Variants in MAP3K1 observed in about 807,000 individuals in gnomAD.
MAP3K1 encodes mitogen-activated protein kinase kinase kinase 1.
In MAP3K1, 36 loss-of-function variants were observed where a neutral mutation model predicts 144.2. The ratio of observed to expected loss-of-function variants is 0.25; its 90% CI spans 0.19 to 0.33. MAP3K1 has a LOEUF of 0.33. MAP3K1 is among the 10% of genes least tolerant of loss of function. The pLI, the probability that MAP3K1 is intolerant of heterozygous loss-of-function variation, is 1.00. For synonymous variants in MAP3K1, 718 were observed against 688.7 expected (o/e 1.04, Z -0.67); for missense variants, 1,650 against 1,881.9 (o/e 0.88, Z 2.28).
intron 1 of MAP3K1, among the ~76,000 whole-genome samples, chr5:56,849,710 A>G (rs1210825948): frequency 6.6e-6 from 1 of 152,250 alleles, no homozygotes; most frequent in South Asian, 2.1e-4. Context: ...TGGAGAAACT[A>G]TCTTACTGGA....
intron 4 of MAP3K1, 89 bp downstream of exon 4, chr5:56,865,023 C>T (rs1295179528): frequency 4.2e-6 from 5 of 1,196,678 alleles, no homozygotes; most frequent in African/African-American, 1.5e-5. Flanking sequence ...AAATTTAGAT[C>T]AATTAATTCC....
At chr5:56,878,176 C>T (rs894089467) in intron 10 of MAP3K1, among the ~76,000 whole-genome samples, 1 of 152,102 alleles carries the variant, frequency 6.6e-6, no homozygotes, top group Non-Finnish European at 1.5e-5. Context: ...CCTATTTCAC[C>T]TCAAAATTTT....
At chr5:56,868,669 C>T (rs1277196081) in intron 6 of MAP3K1, among the ~76,000 whole-genome samples, 1 of 152,142 alleles carries the variant, frequency 6.6e-6, no homozygotes, top group Non-Finnish European at 1.5e-5. Context: ...CAGGCGTGAG[C>T]CACCGCGCCC....
chr5:56,878,459 G>A (rs1462589471), intron 10 of MAP3K1, among the ~76,000 whole-genome samples: 2 of 151,902 alleles, frequency 1.3e-5, no homozygotes, highest in African/African-American at 4.8e-5. Flanking sequence ...TTTAAAAAAT[G>A]GTGTTCTAGT....
In MAP3K1 at chr5:56,878,976, T is replaced by G. The variant is rs770386826; in HGVS notation, c.1966-4T>G. On this transcript the variant is annotated splice_polypyrimidine_tract_variant and splice_region_variant and intron_variant, in intron 10 of 19. Coordinates refer to ENST00000399503, the MANE Select transcript of MAP3K1 (RefSeq NM_005921.2). ...TAAACTGACCTTCAGATTTTTTTCC[T>G]TAGAAAACATTGAGAGCCATGCTGG... 1.2e-6 allele frequency: 2 copies of G among 1,613,742 alleles called. No individual in the cohort carries two copies. The highest frequency in any genetic ancestry group is 1.7e-6 in the Non-Finnish European group (2 of 1,179,806).
intron 19 of MAP3K1, among the ~76,000 whole-genome samples, chr5:56,891,151 C>A (rs112206770): frequency 5.2e-3 from 158 of 30,366 alleles, no homozygotes; most frequent in South Asian, 0.032. Flanking sequence ...CACACACACC[C>A]CCCCCCCCCA....
intron 13 of MAP3K1, 133 bp downstream of exon 13, chr5:56,881,405 C>T (rs1016277286): frequency 2.0e-6 from 2 of 982,010 alleles, no homozygotes; most frequent in African/African-American, 3.2e-5. Flanking sequence ...ATTTGATTGA[C>T]ATATGAAAAC....
chr5:56,833,398 A>G (rs1298856201), intron 1 of MAP3K1, among the ~76,000 whole-genome samples: 1 of 152,216 alleles, frequency 6.6e-6, no homozygotes, highest in Non-Finnish European at 1.5e-5. Context: ...AGTACTTCAC[A>G]GAGTGCCTGC....
rs146243305 is a variant in MAP3K1 at position 56,829,437 on chromosome 5, C to T, written c.482+13382C>T. Among the ~76,000 whole-genome samples the T allele has an allele frequency of 6.6e-5, 10 of 151,966 alleles. No individual in the cohort carries two copies. The East Asian group carries it at 1.9e-3, about 29-fold the overall frequency. On this transcript the variant is annotated intron_variant, in intron 1 of 19. Transcript: ENST00000399503. ...TCCTGGGCTCAAGCAGTCCACCCGC[C>T]TTGGCCTCCCAGAATGCCAGGCTTA...
At chr5:56,885,854 A>C in intron 16 of MAP3K1, 78 bp from the exon 17 acceptor site, 1 of 1,290,038 alleles carries the variant, frequency 7.8e-7, no homozygotes, top group Non-Finnish European at 1.1e-6. Flanking sequence ...CATGCAGTGA[A>C]AACTTTAGAA....
chr5:56,849,140 G>T (rs1279449577), intron 1 of MAP3K1, among the ~76,000 whole-genome samples: 1 of 152,128 alleles, frequency 6.6e-6, no homozygotes, highest in Admixed American at 6.6e-5. Flanking sequence ...TTGAGCTCAG[G>T]AGTTCAAGGC....
At position 56,864,726 on chromosome 5, in the gene MAP3K1, T is replaced by C. The variant is rs748303899; in HGVS notation, c.835-8T>C. ...GAAACGTACCTAATAAAAAAAAATG[T>C]TGTGAAGTTTCAGAGTGGCAGAATC... is the stretch of plus-strand genomic sequence containing the variant. On this transcript the variant is annotated splice_polypyrimidine_tract_variant and splice_region_variant and intron_variant, in intron 3 of 19. Transcript: ENST00000399503. 13 of 1,613,910 alleles carry C rather than the reference T, an allele frequency of 8.1e-6. No homozygotes were observed. In the South Asian group the frequency reaches 1.1e-4, roughly 14 times the overall value.
intron 6 of MAP3K1, among the ~76,000 whole-genome samples, chr5:56,867,080 C>T (rs959145361): frequency 2.6e-5 from 4 of 152,206 alleles, no homozygotes; most frequent in African/African-American, 9.6e-5. Context: ...ATTCCTCCCA[C>T]CTCAGCGTCC....
chr5:56,886,926 A>T (rs1748394818), intron 17 of MAP3K1, among the ~76,000 whole-genome samples: 1 of 151,778 alleles, frequency 6.6e-6, no homozygotes, highest in Non-Finnish European at 1.5e-5. Flanking sequence ...TGCCTGGCTA[A>T]TTTTTTATAT....
intron 3 of MAP3K1, 115 bp from the exon 4 acceptor site, chr5:56,864,619 C>G: frequency 9.5e-7 from 1 of 1,049,356 alleles, no homozygotes; most frequent in Non-Finnish European, 1.5e-6. Context: ...ATGATCCGCC[C>G]TCCTCGGCCT....
chr5:56,852,944 T>C (rs533237762), intron 1 of MAP3K1, among the ~76,000 whole-genome samples: 1 of 152,176 alleles, frequency 6.6e-6, no homozygotes, highest in Non-Finnish European at 1.5e-5. Flanking sequence ...GAAAACCCTA[T>C]ATATGCCTGG....
rs183433776 is a variant in MAP3K1, at chr5:56,834,157, A to T, written c.482+18102A>T. 2.6e-5 allele frequency among the ~76,000 whole-genome samples: 4 copies of T among 152,248 alleles called. No individual in the cohort carries two copies. In the East Asian group the frequency reaches 7.7e-4, roughly 29 times the overall value. The stretch of plus-strand genomic sequence containing the variant: ...TTCTTCAGTAGTAGTTTGCTGGCCC[A>T]TAAGTCTTTTATGTGAACTGCTTAT... On this transcript the variant is annotated intron_variant, in intron 1 of 19. Transcript: ENST00000399503.
chr5:56,888,072 T>C, intron 18 of MAP3K1, 154 bp from the exon 19 acceptor site: 1 of 658,984 alleles, frequency 1.5e-6, no homozygotes, highest in Non-Finnish European at 2.6e-6. Flanking sequence ...AAAATTAAGC[T>C]CATTAATGAA....
chr5:56,895,924 CAGGGCTTA>C lies in MAP3K1; in HGVS notation c.*2251_*2258del, dbSNP rs1245925896. On this transcript the variant is annotated 3_prime_UTR_variant, in exon 20 of 20. Transcript: ENST00000399503. ...GTGTGACTATGATTCCTAAGATTTCCAGGGCTTAAGGGCTAACTTCTATTAGCACCTTA... is the reference window on the plus strand; with the variant it reads ...GTGTGACTATGATTCCTAAGATTTCCAGGGCTAACTTCTATTAGCACCTTA... 1 of 220,984 alleles carries C rather than the reference CAGGGCTTA, an allele frequency of 4.5e-6. No homozygotes were observed. The highest frequency in any genetic ancestry group is 8.7e-6 in the Non-Finnish European group (1 of 114,776). The allele number at this position is 220,984 out of a possible 1,614,324, so 13.7% of individuals were successfully genotyped here.
Sources: allele counts gnomAD v4.1 joint callset (sites outside exome capture counted in the v4.1 genomes callset), GRCh38; gene constraint gnomAD v4.1.1; transcripts MANE v1.5; gene names NCBI Gene and HGNC (gene_info 2026-07-23, HGNC 2026-07-21).